TASP1: variants seen among roughly 807,000 people sequenced by gnomAD.
The protein encoded by TASP1 is taspase 1.
Under a neutral mutation model 56.6 loss-of-function variants are expected in TASP1, and 16 were observed. The observed-to-expected ratio is 0.28, with a 90% CI of 0.19 to 0.43. The LOEUF (loss-of-function observed/expected upper bound fraction) is 0.43. Among genes scored for constraint, TASP1 ranks in the 20% least tolerant of loss-of-function variants. TASP1 has a pLI of 1.00. For missense variants in TASP1, 393 were observed against 511.6 expected (o/e 0.77, Z 2.24); for synonymous variants, 179 against 184.2 (o/e 0.97, Z 0.23).
At chr20:13,292,874 A>C in the TASP1 span, among the ~76,000 whole-genome samples, 1 of 151,754 alleles carries the variant, frequency 6.6e-6, no homozygotes, top group Non-Finnish European at 1.5e-5. Flanking sequence ...TTTTCTCAAA[A>C]TATTGCACCT....
intron 4 of TASP1, among the ~76,000 whole-genome samples, chr20:13,616,136 G>A (rs2048516416): frequency 6.6e-6 from 1 of 151,914 alleles, no homozygotes; most frequent in South Asian, 2.1e-4. Context: ...TAGGACCAAT[G>A]AATCTAATTA....
intron 11 of TASP1, among the ~76,000 whole-genome samples, chr20:13,446,506 A>T (rs1306173782): frequency 9.2e-5 from 14 of 151,986 alleles, no homozygotes; most frequent in Admixed American, 8.5e-4. Flanking sequence ...AATAACAAAA[A>T]CCCCACAAAA....
chr20:13,271,455 C>G, the TASP1 span, among the ~76,000 whole-genome samples: 1 of 152,146 alleles, frequency 6.6e-6, no homozygotes, highest in Non-Finnish European at 1.5e-5. Context: ...CTTTACAAAG[C>G]AAATGTTGAT....
chr20:13,177,902 T>C, the TASP1 span, among the ~76,000 whole-genome samples: 1 of 152,032 alleles, frequency 6.6e-6, no homozygotes, highest in Non-Finnish European at 1.5e-5. Context: ...AAAGAAAACA[T>C]AGGACTGAAT....
intron 7 of TASP1, among the ~76,000 whole-genome samples, chr20:13,566,360 C>G (rs2046529277): frequency 6.6e-6 from 1 of 151,504 alleles, no homozygotes; most frequent in South Asian, 2.1e-4. Flanking sequence ...TTAAAAAGAA[C>G]TACAAAAAAA....
chr20:13,381,360 G>A, the TASP1 span, among the ~76,000 whole-genome samples: 4 of 152,310 alleles, frequency 2.6e-5, no homozygotes, highest in Non-Finnish European at 4.4e-5. Flanking sequence ...CTTCCCAGGT[G>A]AGGCTACGTG....
chr20:13,494,483 T>G (rs988194025), intron 10 of TASP1, among the ~76,000 whole-genome samples: 2 of 152,180 alleles, frequency 1.3e-5, no homozygotes, highest in African/African-American at 4.8e-5. Context: ...TTAATTTTTT[T>G]AGGGAGAAAG....
the TASP1 span, among the ~76,000 whole-genome samples, chr20:13,226,141 T>G: frequency 6.6e-6 from 1 of 151,886 alleles, no homozygotes; most frequent in African/African-American, 2.4e-5. Flanking sequence ...CAAACCAAAC[T>G]CTCGAATGTA....
chr20:13,210,665 T>C, the TASP1 span, among the ~76,000 whole-genome samples: 1 of 150,938 alleles, frequency 6.6e-6, no homozygotes, highest in Non-Finnish European at 1.5e-5. Flanking sequence ...AAAAGAACTA[T>C]ACCAGAGGTA....
intron 11 of TASP1, among the ~76,000 whole-genome samples, chr20:13,442,293 G>GACACACAC (rs35295009): frequency 1.1e-3 from 158 of 147,862 alleles, no homozygotes; most frequent in Middle Eastern, 3.5e-3. Context: ...CACAGACACA[G>GACACACAC]ACACACACAC....
At chr20:13,335,645 G>A in the TASP1 span, among the ~76,000 whole-genome samples, 1 of 151,342 alleles carries the variant, frequency 6.6e-6, no homozygotes, top group South Asian at 2.1e-4. Flanking sequence ...TCTCAGATAA[G>A]AAAAGATATT....
intron 4 of TASP1, among the ~76,000 whole-genome samples, chr20:13,620,523 AATAAT>A (rs2048675594): frequency 6.6e-6 from 1 of 152,218 alleles, no homozygotes; most frequent in African/African-American, 2.4e-5. Flanking sequence ...CTGCCTAAGT[AATAAT>A]ATAACGGGCA....
At chr20:13,286,780 C>G in the TASP1 span, among the ~76,000 whole-genome samples, 5 of 152,186 alleles carry the variant, frequency 3.3e-5, no homozygotes, top group Admixed American at 3.3e-4. Context: ...GGCACGGGCC[C>G]ACATTTCAGG....
At chr20:13,481,492 T>C (rs748018486) in intron 11 of TASP1, among the ~76,000 whole-genome samples, 7 of 152,078 alleles carry the variant, frequency 4.6e-5, no homozygotes, top group Non-Finnish European at 7.4e-5. Context: ...TTGAGGAACC[T>C]CCAAACTGTT....
chr20:13,126,085 C>T, the TASP1 span, among the ~76,000 whole-genome samples: 1 of 152,148 alleles, frequency 6.6e-6, no homozygotes, highest in Non-Finnish European at 1.5e-5. Context: ...TCATTGGAAC[C>T]TTCTCTAACT....
In TASP1 at chr20:13,601,868, CTTTTTTTTTTT is replaced by C. The variant is rs61111564; in HGVS notation, c.283-14509_283-14499del. Among the ~76,000 whole-genome samples, 24 of 53,566 alleles carry C rather than the reference CTTTTTTTTTTT, an allele frequency of 4.5e-4. No homozygotes were observed. In the East Asian group the frequency reaches 0.015, roughly 33 times the overall value. 35.1% of individuals were successfully genotyped at this position (53,566 alleles called of 152,430 possible). ...CCACCTAAAAACCCATAACCCCATT[CTTTTTTTTTTT>C]TTTTTTTTTTTTTTTGAGACAGAGT... is the stretch of plus-strand genomic sequence containing the variant. On this transcript the variant is annotated intron_variant, in intron 4 of 13. Transcript: ENST00000337743.
At chr20:13,128,275 A>G in the TASP1 span, among the ~76,000 whole-genome samples, 1 of 152,272 alleles carries the variant, frequency 6.6e-6, no homozygotes, top group Non-Finnish European at 1.5e-5. Context: ...GAAGTGAAGT[A>G]GGACTAGATG....
chr20:13,615,616 T>C (rs901068416), intron 4 of TASP1, among the ~76,000 whole-genome samples: 6 of 151,050 alleles, frequency 4.0e-5, no homozygotes, highest in Non-Finnish European at 7.4e-5. Flanking sequence ...GCCATTCTCA[T>C]GCCTCAGCCT....
chr20:13,454,685 G>A (rs984237986), intron 11 of TASP1, among the ~76,000 whole-genome samples: 4 of 152,246 alleles, frequency 2.6e-5, no homozygotes, highest in East Asian at 1.9e-4. Flanking sequence ...ATGATATCAA[G>A]TGCAGTGCCC....
Sources: gnomAD v4.1 joint callset for allele counts (sites outside exome capture counted in the v4.1 genomes callset) on GRCh38, gnomAD v4.1.1 for gene constraint, MANE v1.5 for transcripts, NCBI Gene and HGNC (gene_info 2026-07-23, HGNC 2026-07-21) for gene names.